TRIM24: variants seen among roughly 807,000 people sequenced by gnomAD.
TRIM24 encodes the protein transcription intermediary factor 1-alpha.
Under a neutral mutation model 123.9 loss-of-function variants are expected in TRIM24, and 29 were observed. That is an observed-to-expected ratio of 0.23 (90% confidence interval 0.17 to 0.32). The LOEUF is 0.32. Ranked by LOEUF, TRIM24 falls within the 10% of genes least tolerant of loss-of-function variation. TRIM24 has a pLI of 1.00. For missense variants in TRIM24, 932 were observed against 1,295.3 expected, an observed-to-expected ratio of 0.72 and a Z score of 4.31; for synonymous variants, 456 against 461.1, an observed-to-expected ratio of 0.99 and a Z score of 0.14.
chr7:138,577,674 T>C, intron 14 of TRIM24, 86 bp downstream of exon 14: 1 of 1,114,946 alleles, frequency 9.0e-7, no homozygotes, highest in Non-Finnish European at 1.2e-6. Context: ...AGTTTTTTTT[T>C]AATGTTATAT....
intron 1 of TRIM24, among the ~76,000 whole-genome samples, chr7:138,464,479 G>C (rs1025182655): frequency 6.6e-6 from 1 of 151,922 alleles, no homozygotes; most frequent in Non-Finnish European, 1.5e-5. Flanking sequence ...ATGATGGGGA[G>C]TACAAGCAGG....
intron 16 of TRIM24, among the ~76,000 whole-genome samples, chr7:138,581,392 C>CGTACGTTCTTCCTTTATAGACTATT (rs1563069189): frequency 6.6e-6 from 1 of 152,182 alleles, no homozygotes; most frequent in Non-Finnish European, 1.5e-5. Flanking sequence ...TCCTAAGAGA[C>CGTACGTTCTTCCTTTATAGACTATT]GTACGTTCTT....
intron 6 of TRIM24, among the ~76,000 whole-genome samples, chr7:138,533,126 G>A (rs1796784006): frequency 6.6e-6 from 1 of 152,110 alleles, no homozygotes; most frequent in African/African-American, 2.4e-5. Context: ...GAGACAATGG[G>A]GTTTTCTAAA....
At position 138,460,388 on chromosome 7, in the gene TRIM24, A is replaced by T; in HGVS notation, c.-161A>T. The stretch of plus-strand genomic sequence containing the variant: ...TCGGGAGGCGGATCCCGTGGGCCTG[A>T]GGAGGCTTCCCCCGCCCGGTTTGCT... On this transcript the variant is annotated 5_prime_UTR_variant, in exon 1 of 19. Coordinates refer to ENST00000343526, the MANE Select transcript of TRIM24 (RefSeq NM_015905.3). 1 of 688,950 alleles carries T rather than the reference A, an allele frequency of 1.5e-6. No homozygotes were observed. The highest frequency in any genetic ancestry group is 6.9e-5 in the South Asian group (1 of 14,576). 42.7% of individuals were successfully genotyped at this position (688,950 alleles called of 1,614,324 possible).
At chr7:138,578,304 C>T (rs956519108) in intron 14 of TRIM24, among the ~76,000 whole-genome samples, 1 of 152,058 alleles carries the variant, frequency 6.6e-6, no homozygotes, top group African/African-American at 2.4e-5. Context: ...TAAACAAACA[C>T]CTGAGTACGA....
At chr7:138,583,357 C>A (rs1797943132) in intron 17 of TRIM24, among the ~76,000 whole-genome samples, 1 of 152,196 alleles carries the variant, frequency 6.6e-6, no homozygotes, top group African/African-American at 2.4e-5. Flanking sequence ...CAGTGGCTCA[C>A]GCCTGTAATC....
At chr7:138,480,605 A>C (rs1054530438) in intron 1 of TRIM24, among the ~76,000 whole-genome samples, 5 of 151,900 alleles carry the variant, frequency 3.3e-5, no homozygotes, top group African/African-American at 1.2e-4. Flanking sequence ...GTGAGTCCTG[A>C]GGTTTTGGTG....
chr7:138,504,417 AT>A lies in TRIM24; in HGVS notation c.483+11del. On this transcript the variant is annotated intron_variant, in intron 2 of 18. Coordinates refer to ENST00000343526, the MANE Select transcript of TRIM24 (RefSeq NM_015905.3). ...TAGAAAAGTCAAATCAGGTAAGTGT[AT>A]TACATCTTGAACCTTTTGCCTGCCA... 1 of 873,636 alleles carries A rather than the reference AT, an allele frequency of 1.1e-6. No homozygotes were observed. Among genetic ancestry groups the A allele is most frequent in the Non-Finnish European group, 1.7e-6 (1 of 599,718 alleles). 54.1% of individuals were successfully genotyped at this position (873,636 alleles called of 1,614,324 possible). A position where few individuals can be genotyped will look rare whatever the true frequency, so the allele number is the denominator to read the frequency against.
intron 2 of TRIM24, among the ~76,000 whole-genome samples, chr7:138,508,694 C>CGCGCGCGCGCGCGCGT (rs1376359515): frequency 2.9e-4 from 9 of 30,632 alleles, no homozygotes; most frequent in Admixed American, 7.0e-4. Flanking sequence ...TGTGTGTGTG[C>CGCGCGCGCGCGCGCGT]GCGCGCGTGT....
intron 2 of TRIM24, among the ~76,000 whole-genome samples, chr7:138,506,885 C>G (rs989151107): frequency 3.9e-5 from 6 of 151,928 alleles, no homozygotes; most frequent in African/African-American, 1.5e-4. Context: ...CAGTACTTAG[C>G]AAGAGGTAGT....
chr7:138,545,964 A>G lies in TRIM24; in HGVS notation c.1144-5099A>G, dbSNP rs180815462. ...ATTATTTGGGGGAGAAGTTGATAACAAAACTAAAAGTTATAGAAAGAACAA... is the reference window on the plus strand; with the variant it reads ...ATTATTTGGGGGAGAAGTTGATAACGAAACTAAAAGTTATAGAAAGAACAA... On this transcript the variant is annotated intron_variant, in intron 7 of 18. Transcript: ENST00000343526. Among the ~76,000 whole-genome samples the G allele has an allele frequency of 2.5e-3, 378 of 152,344 alleles. 2 individuals carry two copies. The highest frequency in any genetic ancestry group is 0.019 in the South Asian group (92 of 4,824).
chr7:138,531,391 C>G (rs972797375), intron 6 of TRIM24, among the ~76,000 whole-genome samples: 1 of 147,898 alleles, frequency 6.8e-6, no homozygotes, highest in Non-Finnish European at 1.5e-5. Context: ...CAACAGGCCC[C>G]GGTGTGTGAT....
chr7:138,582,668 G>A (rs1333266033), intron 17 of TRIM24, among the ~76,000 whole-genome samples: 2 of 152,006 alleles, frequency 1.3e-5, no homozygotes, highest in Admixed American at 6.6e-5. Context: ...GCAGTGAGCC[G>A]AGATTGCGCC....
intron 14 of TRIM24, 42 bp downstream of exon 14, chr7:138,577,630 G>C: frequency 6.9e-7 from 1 of 1,457,562 alleles, no homozygotes; most frequent in African/African-American, 1.5e-5. Context: ...TGCATGGTGG[G>C]TAGGGTGAGA....
At chr7:138,507,018 C>A (rs10237720) in intron 2 of TRIM24, among the ~76,000 whole-genome samples, 2 of 152,026 alleles carry the variant, frequency 1.3e-5, no homozygotes, top group Non-Finnish European at 2.9e-5. Context: ...CTTTCACAGA[C>A]ATCATGATAA....
intron 7 of TRIM24, among the ~76,000 whole-genome samples, chr7:138,540,568 T>C (rs1018664152): frequency 2.6e-5 from 4 of 152,210 alleles, no homozygotes; most frequent in African/African-American, 9.6e-5. Context: ...TAGGCTCTAC[T>C]TATTATTCCA....
intron 11 of TRIM24, among the ~76,000 whole-genome samples, 164 bp downstream of exon 11, chr7:138,571,167 C>T (rs1042949274): frequency 5.9e-5 from 9 of 151,942 alleles, no homozygotes; most frequent in Admixed American, 6.6e-5. Flanking sequence ...CCGTCTCTAC[C>T]AAAAAATACA....
chr7:138,496,754 G>A (rs1011750511), intron 1 of TRIM24, among the ~76,000 whole-genome samples: 2 of 152,024 alleles, frequency 1.3e-5, no homozygotes, highest in African/African-American at 2.4e-5. Flanking sequence ...TCCTGCCTCA[G>A]CCTCGCAAAG....
At chr7:138,556,716 T>A (rs1797323291) in intron 9 of TRIM24, among the ~76,000 whole-genome samples, 1 of 152,196 alleles carries the variant, frequency 6.6e-6, no homozygotes, top group South Asian at 2.1e-4. Flanking sequence ...AGGGCTAGTA[T>A]TTATGAGCCC....
Sources: gnomAD v4.1 joint callset for allele counts (sites outside exome capture counted in the v4.1 genomes callset) on GRCh38, gnomAD v4.1.1 for gene constraint, MANE v1.5 for transcripts, NCBI Gene and HGNC (gene_info 2026-07-23, HGNC 2026-07-21) for gene names.